The following TBC1D32 variants were observed in gnomAD, a reference collection of about 807,000 sequenced individuals.
TBC1D32 encodes protein broad-minded.
TBC1D32 carries 151 observed loss-of-function variants against 170.3 expected under a neutral mutation model. That is an observed-to-expected ratio of 0.89 (90% confidence interval 0.78 to 1.01). The LOEUF (loss-of-function observed/expected upper bound fraction) is 1.01, where lower values mean the gene tolerates loss of function less well. TBC1D32 is among the 50% of genes least tolerant of loss of function. The pLI is 0.00. For synonymous variants in TBC1D32, 498 were observed against 488.0 expected, an observed-to-expected ratio of 1.02 and a Z score of -0.27; for missense variants, 1,464 against 1,457.1, an observed-to-expected ratio of 1.00 and a Z score of -0.08.
At chr6:121,214,634 C>T (rs1023542241) in intron 21 of TBC1D32, among the ~76,000 whole-genome samples, 4 of 152,144 alleles carry the variant, frequency 2.6e-5, no homozygotes, top group Admixed American at 2.0e-4. Flanking sequence ...AACCACAGAG[C>T]CCCAAAGAGG....
Position 121,307,588 on chromosome 6 carries a change from C to T in TBC1D32, c.690+388G>A, listed in dbSNP as rs970602353. On this transcript the variant is annotated intron_variant, in intron 5 of 31. Coordinates refer to ENST00000398212, the MANE Select transcript of TBC1D32 (RefSeq NM_152730.6). The stretch of plus-strand genomic sequence containing the variant: ...TTAAAGAAAACTATCGGCCAGACAC[C>T]GTGGCCCATGCCTGTAATCCCAGCA... 7.9e-5 allele frequency among the ~76,000 whole-genome samples: 12 copies of T among 151,662 alleles called. No homozygotes were observed. The South Asian group carries it at 1.5e-3, about 19-fold the overall frequency.
chr6:121,255,200 T>C, intron 17 of TBC1D32, 128 bp downstream of exon 17: 1 of 411,550 alleles, frequency 2.4e-6, no homozygotes, highest in South Asian at 4.3e-5. Flanking sequence ...CTAATTTTCC[T>C]TGAAGCTGTA....
intron 26 of TBC1D32, among the ~76,000 whole-genome samples, chr6:121,117,065 G>T (rs1266882291): frequency 2.0e-5 from 3 of 152,072 alleles, no homozygotes; most frequent in Non-Finnish European, 4.4e-5. Flanking sequence ...ATTTTTAAAG[G>T]CCTCTACAGC....
At position 121,105,783 on chromosome 6, in the gene TBC1D32, G is replaced by T. The variant is rs1487054421; in HGVS notation, c.3465+240C>A. Among the ~76,000 whole-genome samples, 5 of 152,084 alleles carry T rather than the reference G, an allele frequency of 3.3e-5. No individual in the cohort carries two copies. In the East Asian group the frequency reaches 9.7e-4, roughly 29 times the overall value. ...CAAGTATTACCATCTCCATTAAAAA[G>T]CCTACATGTCATACAGACTTTCAGA... is the stretch of plus-strand genomic sequence containing the variant. On this transcript the variant is annotated intron_variant, in intron 30 of 31. Transcript: ENST00000398212.
chr6:121,101,639 T>G (rs1032556248), intron 30 of TBC1D32, among the ~76,000 whole-genome samples: 2 of 152,150 alleles, frequency 1.3e-5, no homozygotes, highest in Non-Finnish European at 2.9e-5. Context: ...TCACACTGAA[T>G]GGGCAAAAAC....
chr6:121,149,125 G>C (rs1304428099), intron 24 of TBC1D32, among the ~76,000 whole-genome samples: 6 of 151,992 alleles, frequency 3.9e-5, no homozygotes, highest in Admixed American at 1.3e-4. Flanking sequence ...TTGTAAATTT[G>C]TTTAAGTTCT....
intron 15 of TBC1D32, among the ~76,000 whole-genome samples, chr6:121,269,864 A>C (rs1801112654): frequency 6.6e-6 from 1 of 152,200 alleles, no homozygotes; most frequent in South Asian, 2.1e-4. Flanking sequence ...AGTTGGAAGT[A>C]AAGCACTCCT....
chr6:121,327,235 A>G (rs1810574422), intron 1 of TBC1D32, among the ~76,000 whole-genome samples: 1 of 152,146 alleles, frequency 6.6e-6, no homozygotes, highest in South Asian at 2.1e-4. Context: ...CACGCAATAT[A>G]CCCATGTAAC....
chr6:121,222,116 G>A (rs563751842), intron 21 of TBC1D32, among the ~76,000 whole-genome samples: 96 of 152,264 alleles, frequency 6.3e-4, no homozygotes, highest in African/African-American at 1.9e-3. Context: ...CAGCAAAACA[G>A]AATACAACTC....
At chr6:121,168,934 G>C (rs193052494) in intron 22 of TBC1D32, among the ~76,000 whole-genome samples, 1 of 151,964 alleles carries the variant, frequency 6.6e-6, no homozygotes, top group Non-Finnish European at 1.5e-5. Flanking sequence ...CAAACAAATG[G>C]AAAAACATTC....
At chr6:121,168,105 CT>C (rs1786312491) in intron 22 of TBC1D32, among the ~76,000 whole-genome samples, 1 of 9,370 alleles carries the variant, frequency 1.1e-4, no homozygotes, top group Admixed American at 2.2e-3. Flanking sequence ...CACTTTTACA[CT>C]GTTGGTGGGA....
At chr6:121,261,927 G>A (rs1432105833) in intron 15 of TBC1D32, among the ~76,000 whole-genome samples, 1 of 31,676 alleles carries the variant, frequency 3.2e-5, no homozygotes, top group African/African-American at 7.1e-5. Context: ...CCAGCTTAGA[G>A]AGGAACATTT....
At chr6:121,172,200 T>A (rs528891430) in intron 22 of TBC1D32, among the ~76,000 whole-genome samples, 1 of 152,204 alleles carries the variant, frequency 6.6e-6, no homozygotes, top group South Asian at 2.1e-4. Context: ...TGTGAGTCCA[T>A]TAAACCTCTT....
At chr6:121,121,356 G>A (rs1173765950) in intron 26 of TBC1D32, among the ~76,000 whole-genome samples, 1 of 151,932 alleles carries the variant, frequency 6.6e-6, no homozygotes, top group Non-Finnish European at 1.5e-5. Flanking sequence ...TGGTAATAAG[G>A]CTAGAAAGAT....
intron 20 of TBC1D32, among the ~76,000 whole-genome samples, chr6:121,223,646 T>C (rs1441080446): frequency 6.6e-6 from 1 of 152,142 alleles, no homozygotes; most frequent in Non-Finnish European, 1.5e-5. Flanking sequence ...AAAAATTCAA[T>C]AATCCATCTT....
At chr6:121,286,302 T>C (rs977539339) in intron 12 of TBC1D32, among the ~76,000 whole-genome samples, 1 of 152,088 alleles carries the variant, frequency 6.6e-6, no homozygotes, top group Admixed American at 6.5e-5. Context: ...AAGGACCTGA[T>C]GGAGCTGAAA....
rs546507964 is a variant in TBC1D32, at chr6:121,148,158, C to T, written c.2773+11852G>A. On this transcript the variant is annotated intron_variant, in intron 24 of 31. Coordinates refer to ENST00000398212, the MANE Select transcript of TBC1D32 (RefSeq NM_152730.6). ...CTTGCCTCCCAACCCCCGACAGGCC[C>T]CAGTGTGTGATGTTCCCCTCCCTGT... Among the ~76,000 whole-genome samples, 6 of 152,090 alleles carry T rather than the reference C, an allele frequency of 3.9e-5. No homozygotes were observed. The East Asian group carries it at 1.2e-3, about 30-fold the overall frequency.
intron 12 of TBC1D32, among the ~76,000 whole-genome samples, chr6:121,287,720 G>A (rs61504659): frequency 0.051 from 7,727 of 152,036 alleles, 371 homozygotes; most frequent in African/African-American, 0.12. Context: ...ACACCACACC[G>A]CACTTATTCC....
intron 30 of TBC1D32, among the ~76,000 whole-genome samples, chr6:121,094,357 G>A (rs889494261): frequency 2.0e-5 from 3 of 151,906 alleles, no homozygotes; most frequent in African/African-American, 7.3e-5. Context: ...AGTAGAGACA[G>A]GGTTTCACCA....
Sources: allele counts gnomAD v4.1 joint callset (sites outside exome capture counted in the v4.1 genomes callset), GRCh38; gene constraint gnomAD v4.1.1; transcripts MANE v1.5; gene names NCBI Gene and HGNC (gene_info 2026-07-23, HGNC 2026-07-21).